KCTD5: variants seen among roughly 807,000 people sequenced by gnomAD.
The protein encoded by KCTD5 is BTB/POZ domain-containing protein KCTD5.
KCTD5 carries 12 observed loss-of-function variants against 27.9 expected under a neutral mutation model. That is an observed-to-expected ratio of 0.43 (90% CI 0.28 to 0.70). KCTD5 has a LOEUF of 0.70. Ranked by LOEUF, KCTD5 falls within the 30% of genes least tolerant of loss-of-function variation. The pLI is 0.19. For synonymous variants in KCTD5, 147 were observed against 121.4 expected (o/e 1.21, Z -1.39); for missense variants, 226 against 274.8 (o/e 0.82, Z 1.26).
chr16:2,700,575 T>C (rs2067607144), intron 4 of KCTD5, among the ~76,000 whole-genome samples: 1 of 152,196 alleles, frequency 6.6e-6, no homozygotes, highest in African/African-American at 2.4e-5. Flanking sequence ...TGGCTGCCAC[T>C]GTTCCTGGTG....
intron 1 of KCTD5, among the ~76,000 whole-genome samples, chr16:2,687,960 G>C (rs1297992453): frequency 6.6e-6 from 1 of 152,042 alleles, no homozygotes; most frequent in East Asian, 1.9e-4. Flanking sequence ...ATGTGACAGA[G>C]CATCTTCCTT....
At chr16:2,699,791 C>T (rs376141066) in intron 3 of KCTD5, 30 bp from the exon 4 acceptor site, 50 of 1,605,872 alleles carry the variant, frequency 3.1e-5, no homozygotes, top group Middle Eastern at 1.9e-4. Flanking sequence ...ATGGGTGGCC[C>T]GCCCTTACCT....
At chr16:2,690,979 C>T (rs186333448) in intron 1 of KCTD5, among the ~76,000 whole-genome samples, 4 of 152,358 alleles carry the variant, frequency 2.6e-5, no homozygotes, top group East Asian at 3.9e-4. Flanking sequence ...CCGAGGCCCT[C>T]GCGCCTGGGC....
At chr16:2,705,429 A>ACATCAGTG (rs2067631300) in intron 5 of KCTD5, among the ~76,000 whole-genome samples, 1 of 152,008 alleles carries the variant, frequency 6.6e-6, no homozygotes, top group South Asian at 2.1e-4. Flanking sequence ...CAGGCTGTGG[A>ACATCAGTG]CATCAGTGGT....
In KCTD5 at chr16:2,707,781, A is replaced by G; in HGVS notation, c.*454A>G. The G allele has an allele frequency of 3.3e-6, 1 of 307,008 alleles. No homozygotes were observed. Among genetic ancestry groups the G allele is most frequent in the Non-Finnish European group, 6.0e-6 (1 of 165,800 alleles). 19.0% of individuals were successfully genotyped at this position (307,008 alleles called of 1,614,324 possible). On this transcript the variant is annotated 3_prime_UTR_variant, in exon 6 of 6. Coordinates refer to ENST00000301738, the MANE Select transcript of KCTD5 (RefSeq NM_018992.4). Reference sequence around the variant, plus strand: ...CGACCACCAGGCCCTAGTCTCGGTCAGGGAGTCTGCTCTGCCTCCCAGGCG... The same window carrying G: ...CGACCACCAGGCCCTAGTCTCGGTCGGGGAGTCTGCTCTGCCTCCCAGGCG...
Position 2,702,339 on chromosome 16 carries a change from A to G in KCTD5, c.550-14A>G, listed in dbSNP as rs756997736. The G allele has an allele frequency of 2.5e-6, 4 of 1,613,086 alleles. No individual in the cohort carries two copies. The highest frequency in any genetic ancestry group is 2.5e-6 in the Non-Finnish European group (3 of 1,179,864). On this transcript the variant is annotated splice_polypyrimidine_tract_variant and intron_variant, in intron 4 of 5. Coordinates refer to ENST00000301738, the MANE Select transcript of KCTD5 (RefSeq NM_018992.4). ...GCTTCACTGGGCTGCGTCTCAGGCT[A>G]TGTCTCCTTGCAGTTGGTCAGCATC... is the stretch of plus-strand genomic sequence containing the variant.
rs370248607 is a variant in KCTD5, at chr16:2,699,935, C to T, written c.549+19C>T. ...CGAGCAGGTGAGGGGCCCTGGCCAG[C>T]CTGGTGGCAGCCATGCTGCAGCTGA... is the stretch of plus-strand genomic sequence containing the variant. On this transcript the variant is annotated intron_variant, in intron 4 of 5. Coordinates refer to ENST00000301738, the MANE Select transcript of KCTD5 (RefSeq NM_018992.4). The T allele has an allele frequency of 1.7e-4, 279 of 1,608,248 alleles. 1 individual carries two copies. The highest frequency in any genetic ancestry group is 5.5e-4 in the Admixed American group (33 of 60,012).
intron 2 of KCTD5, among the ~76,000 whole-genome samples, chr16:2,696,981 G>A (rs1216242681): frequency 6.6e-6 from 1 of 152,244 alleles, no homozygotes; most frequent in Non-Finnish European, 1.5e-5. Flanking sequence ...GATTGGCTCA[G>A]AAACGGGCGC....
In KCTD5 at chr16:2,693,082, G is replaced by A. The variant is rs569291496; in HGVS notation, c.253-2853G>A. On this transcript the variant is annotated intron_variant, in intron 1 of 5. Transcript: ENST00000301738. Reference sequence around the variant, plus strand: ...CCGGGAACCTGACATCTTCAGTGGGGTGGGTGTGATGGCTGTGCCACTGGC... The same window carrying A: ...CCGGGAACCTGACATCTTCAGTGGGATGGGTGTGATGGCTGTGCCACTGGC... Among the ~76,000 whole-genome samples, 5 of 152,364 alleles carry A rather than the reference G, an allele frequency of 3.3e-5. No individual in the cohort carries two copies. The South Asian group carries it at 1.0e-3, about 32-fold the overall frequency.
intron 4 of KCTD5, among the ~76,000 whole-genome samples, chr16:2,701,582 A>C (rs1225820634): frequency 1.3e-5 from 2 of 152,188 alleles, no homozygotes; most frequent in African/African-American, 4.8e-5. Context: ...GCCGCCAGCT[A>C]TACAGGAGCA....
intron 1 of KCTD5, among the ~76,000 whole-genome samples, chr16:2,694,152 G>A (rs2142055063): frequency 6.7e-6 from 1 of 148,504 alleles, no homozygotes; most frequent in Non-Finnish European, 1.5e-5. Context: ...GCCAGACTTG[G>A]GCCCCTTTGT....
At chr16:2,690,722 G>C (rs912008602) in intron 1 of KCTD5, among the ~76,000 whole-genome samples, 2 of 152,228 alleles carry the variant, frequency 1.3e-5, no homozygotes, top group African/African-American at 4.8e-5. Flanking sequence ...CCTTCCTCGT[G>C]TCATGGGGGC....
At chr16:2,696,780 G>A (rs1470299111) in intron 2 of KCTD5, among the ~76,000 whole-genome samples, 8 of 152,266 alleles carry the variant, frequency 5.3e-5, no homozygotes, top group Non-Finnish European at 1.2e-4. Context: ...GTTCACGCGG[G>A]GCGTGGAGTG....
At chr16:2,701,858 G>C (rs1206801401) in intron 4 of KCTD5, among the ~76,000 whole-genome samples, 1 of 152,224 alleles carries the variant, frequency 6.6e-6, no homozygotes, top group African/African-American at 2.4e-5. Flanking sequence ...TGGTGACCCG[G>C]AGGGAGGCAG....
At chr16:2,686,947 C>G (rs372773152) in intron 1 of KCTD5, among the ~76,000 whole-genome samples, 1 of 152,148 alleles carries the variant, frequency 6.6e-6, no homozygotes, top group Non-Finnish European at 1.5e-5. Flanking sequence ...AGTTTGAGGC[C>G]GTTAGTGGGT....
chr16:2,689,945 G>A (rs1369377276), intron 1 of KCTD5, among the ~76,000 whole-genome samples: 1 of 152,234 alleles, frequency 6.6e-6, no homozygotes, highest in Non-Finnish European at 1.5e-5. Flanking sequence ...CAAAGTGCTG[G>A]GATCACAGGC....
In KCTD5 at chr16:2,692,037, G is replaced by A. The variant is rs118076683; in HGVS notation, c.253-3898G>A. Among the ~76,000 whole-genome samples, 1,254 of 152,284 alleles carry A rather than the reference G, an allele frequency of 8.2e-3. 5 individuals are homozygous for A. Among genetic ancestry groups the A allele is most frequent in the Non-Finnish European group, 0.013 (863 of 68,018 alleles). On this transcript the variant is annotated intron_variant, in intron 1 of 5. Coordinates refer to ENST00000301738, the MANE Select transcript of KCTD5 (RefSeq NM_018992.4). ...CTCTGTCAGGAGCCTGAGCTCCAGG[G>A]ACTGAGACGAGCTGGGCAGAGCCTA...
intron 1 of KCTD5, among the ~76,000 whole-genome samples, chr16:2,687,396 G>A (rs13331521): frequency 0.02 from 2,972 of 152,302 alleles, 114 homozygotes; most frequent in African/African-American, 0.067. Context: ...AAATGCTGTC[G>A]CTGCAGGGCA....
chr16:2,702,434 A>G lies in KCTD5; in HGVS notation c.631A>G (p.Asn211Asp). The change falls in exon 5 of 6, where the codon AAC becomes GAC. Residue 211 changes from asparagine (N) to aspartate (D), a missense_variant. Around this residue, in one of 2 missense-constraint regions of KCTD5, gnomAD observed 135 missense variants for 207.0 expected, o/e 0.65. Coordinates refer to ENST00000301738, the MANE Select transcript of KCTD5 (RefSeq NM_018992.4). ...CTGTGTGGTGTCCAAGGAGCTGCACAACACCCCGTACGGTACGGCCAGCGA... is the reference window on the plus strand; with the variant it reads ...CTGTGTGGTGTCCAAGGAGCTGCACGACACCCCGTACGGTACGGCCAGCGA... ...FLCVVSKELHNTPYGTASEPS... is the reference protein window; with the variant it reads ...FLCVVSKELHDTPYGTASEPS... 1 of 1,613,288 alleles carries G rather than the reference A, an allele frequency of 6.2e-7. No homozygotes were observed. The highest frequency in any genetic ancestry group is 8.5e-7 in the Non-Finnish European group (1 of 1,179,950).
Sources: allele counts gnomAD v4.1 joint callset (sites outside exome capture counted in the v4.1 genomes callset), GRCh38; gene constraint gnomAD v4.1.1; regional missense constraint gnomAD v4.1.1; transcripts MANE v1.5; gene names NCBI Gene and HGNC (gene_info 2026-07-23, HGNC 2026-07-21).